The following KAZN variants were observed in gnomAD, a reference collection of about 807,000 sequenced individuals.
KAZN encodes the protein kazrin.
A neutral mutation model predicts 87.4 loss-of-function variants in KAZN; 40 were observed. That is an observed-to-expected ratio of 0.46 (90% CI 0.36 to 0.60). The LOEUF (loss-of-function observed/expected upper bound fraction) is 0.60, where lower values mean the gene tolerates loss of function less well. Ranked by LOEUF, KAZN falls within the 20% of genes least tolerant of loss-of-function variation. KAZN has a pLI of 0.00. For missense variants in KAZN, 898 were observed against 1,073.9 expected (o/e 0.84, Z 2.29); for synonymous variants, 466 against 458.3 (o/e 1.02, Z -0.22).
chr1:14,037,170 A>G (rs910614222), intron 1 of KAZN, among the ~76,000 whole-genome samples: 1 of 152,224 alleles, frequency 6.6e-6, no homozygotes, highest in African/African-American at 2.4e-5. Context: ...TGAATACATC[A>G]TAGACCTCTC....
intron 1 of KAZN, among the ~76,000 whole-genome samples, chr1:14,066,246 T>C (rs569444285): frequency 6.6e-6 from 1 of 152,320 alleles, no homozygotes; most frequent in South Asian, 2.1e-4. Flanking sequence ...TGGTTCCATA[T>C]CTTTGCAATT....
At chr1:14,848,859 G>A (rs1188351756) in intron 1 of KAZN, among the ~76,000 whole-genome samples, 4 of 152,340 alleles carry the variant, frequency 2.6e-5, no homozygotes, top group Admixed American at 2.6e-4. Context: ...GTGTAGCGTA[G>A]CGTGTCCTGG....
intron 1 of KAZN, among the ~76,000 whole-genome samples, chr1:14,722,159 AAAAGAAT>A (rs1211243063): frequency 3.2e-5 from 4 of 124,624 alleles, no homozygotes; most frequent in Non-Finnish European, 5.6e-5. Flanking sequence ...TCAAAAAAAA[AAAAGAAT>A]AAAAAATAAA....
intron 2 of KAZN, among the ~76,000 whole-genome samples, chr1:14,560,357 A>G (rs1674173517): frequency 6.6e-6 from 1 of 152,124 alleles, no homozygotes; most frequent in Non-Finnish European, 1.5e-5. Flanking sequence ...AGTCAGGTGG[A>G]TCACTTGAGG....
At chr1:14,761,002 A>C (rs1436636233) in intron 1 of KAZN, among the ~76,000 whole-genome samples, 1 of 152,222 alleles carries the variant, frequency 6.6e-6, no homozygotes, top group Non-Finnish European at 1.5e-5. Context: ...AAAGACAGGC[A>C]GCGGGCCAGA....
chr1:14,835,757 G>A (rs753961427), intron 1 of KAZN, among the ~76,000 whole-genome samples: 5 of 151,924 alleles, frequency 3.3e-5, no homozygotes, highest in Non-Finnish European at 5.9e-5. Context: ...TCCACCACCC[G>A]TAGCCCTTGG....
intron 1 of KAZN, among the ~76,000 whole-genome samples, chr1:14,110,284 C>G (rs1323814776): frequency 2.7e-5 from 4 of 146,294 alleles, no homozygotes; most frequent in African/African-American, 1.0e-4. Flanking sequence ...AAAGCCTTGC[C>G]AAACCTTAGG....
intron 12 of KAZN, 97 bp downstream of exon 12, chr1:15,103,557 T>C (rs750053522): frequency 5.0e-6 from 4 of 804,816 alleles, no homozygotes; most frequent in Admixed American, 2.0e-5. Context: ...TGCAAATCAA[T>C]ATGCAGATCT....
intron 2 of KAZN, among the ~76,000 whole-genome samples, chr1:14,288,658 T>C (rs560989673): frequency 6.6e-6 from 1 of 152,240 alleles, no homozygotes; most frequent in African/African-American, 2.4e-5. Flanking sequence ...ATTTGAAGGG[T>C]TTTTTTGTGT....
chr1:14,718,160 G>A (rs1376848000), intron 1 of KAZN, among the ~76,000 whole-genome samples: 1 of 152,212 alleles, frequency 6.6e-6, no homozygotes, highest in Admixed American at 6.5e-5. Flanking sequence ...TGTGCTTCAT[G>A]CTCTCTCTTC....
chr1:14,987,215 C>G (rs1666908762), intron 2 of KAZN, among the ~76,000 whole-genome samples: 1 of 152,138 alleles, frequency 6.6e-6, no homozygotes, highest in African/African-American at 2.4e-5. Flanking sequence ...TCTCTCTGGG[C>G]CGGGCACGGT....
At chr1:14,292,146 A>G (rs1225049848) in intron 2 of KAZN, among the ~76,000 whole-genome samples, 1 of 152,092 alleles carries the variant, frequency 6.6e-6, no homozygotes, top group Non-Finnish European at 1.5e-5. Context: ...TGCTCTGTGT[A>G]TGTGTGTATG....
chr1:14,689,282 C>T (rs1641147679), intron 1 of KAZN, among the ~76,000 whole-genome samples: 1 of 152,170 alleles, frequency 6.6e-6, no homozygotes, highest in African/African-American at 2.4e-5. Context: ...TTTGTAGTAT[C>T]TCATGAAACT....
intron 1 of KAZN, among the ~76,000 whole-genome samples, chr1:14,154,540 CAG>C (rs1213869165): frequency 6.6e-6 from 1 of 152,116 alleles, no homozygotes. Flanking sequence ...TGTTGAGTAA[CAG>C]TGATGAAAGT....
intron 1 of KAZN, among the ~76,000 whole-genome samples, chr1:14,959,480 C>A (rs929235420): frequency 1.3e-5 from 2 of 152,116 alleles, no homozygotes; most frequent in Non-Finnish European, 2.9e-5. Context: ...GCCCTTGTCC[C>A]CTCCCCAGGT....
chr1:14,545,881 C>T (rs1673108638), intron 2 of KAZN, among the ~76,000 whole-genome samples: 1 of 152,030 alleles, frequency 6.6e-6, no homozygotes, highest in Non-Finnish European at 1.5e-5. Flanking sequence ...TTTCATTGAC[C>T]AAAGCAAGTT....
chr1:14,079,469 C>A (rs534679913), intron 1 of KAZN, among the ~76,000 whole-genome samples: 20 of 152,310 alleles, frequency 1.3e-4, no homozygotes, highest in Middle Eastern at 6.8e-3. Flanking sequence ...TCAAATGAAT[C>A]TTTGGCCAGC....
chr1:14,719,205 C>G (rs1475689544), intron 1 of KAZN, among the ~76,000 whole-genome samples: 2 of 152,122 alleles, frequency 1.3e-5, no homozygotes, highest in African/African-American at 4.8e-5. Context: ...AAATCTTGGT[C>G]AAATTAATAA....
Position 14,599,289 on chromosome 1 carries a change from C to G in KAZN, c.226+66C>G. ...GAGCACGCCCGGCCTCGGAGGTGGCCGGGGACCCGGGGTCCCCCACACCCG... is the reference window on the plus strand; with the variant it reads ...GAGCACGCCCGGCCTCGGAGGTGGCGGGGGACCCGGGGTCCCCCACACCCG... On this transcript the variant is annotated intron_variant, in intron 1 of 14. Transcript: ENST00000376030. This position sits in a 1 kb window ranked among gnomAD's most constrained non-coding sequence, Gnocchi z 4.4. 1 of 1,272,662 alleles carries G rather than the reference C, an allele frequency of 7.9e-7. No individual in the cohort carries two copies. The highest frequency in any genetic ancestry group is 9.9e-7 in the Non-Finnish European group (1 of 1,010,726). 78.8% of individuals were successfully genotyped at this position (1,272,662 alleles called of 1,614,324 possible).
Sources: gnomAD v4.1 joint callset for allele counts (sites outside exome capture counted in the v4.1 genomes callset) on GRCh38, gnomAD v4.1.1 for gene constraint, Gnocchi (gnomAD v3.1) non-coding constraint, MANE v1.5 for transcripts, NCBI Gene and HGNC (gene_info 2026-07-23, HGNC 2026-07-21) for gene names.